The following SFMBT2 variants were observed in gnomAD, a reference collection of about 807,000 sequenced individuals.
The protein encoded by SFMBT2 is Scm like with four mbt domains 2.
Under a neutral mutation model 110.1 loss-of-function variants are expected in SFMBT2, and 38 were observed. The ratio of observed to expected loss-of-function variants is 0.35; its 90% CI spans 0.27 to 0.45. The LOEUF is 0.45. SFMBT2 is among the 20% of genes least tolerant of loss of function. The probability of loss-of-function intolerance (pLI) is 1.00; values close to 1 mark genes in which losing one functional copy is unlikely to be tolerated. For synonymous variants in SFMBT2, 425 were observed against 425.4 expected (o/e 1.00, Z 0.01); for missense variants, 1,011 against 1,094.9 (o/e 0.92, Z 1.08).
chr10:7,332,034 A>G lies in SFMBT2; in HGVS notation c.436+35615T>C, dbSNP rs1393650107. On this transcript the variant is annotated intron_variant, in intron 4 of 20. Transcript: ENST00000397167. ...CTGTCTCAAAAAAAAAAAAAAAAAAAAAAGGAAAGGTGAATGGTTACAGCT... is the reference window on the plus strand; with the variant it reads ...CTGTCTCAAAAAAAAAAAAAAAAAAGAAAGGAAAGGTGAATGGTTACAGCT... 8.3e-5 allele frequency among the ~76,000 whole-genome samples: 12 copies of G among 143,818 alleles called. 1 individual carries two copies. The highest frequency in any genetic ancestry group is 1.6e-4 in the African/African-American group (6 of 38,358). The allele number at this position is 143,818 out of a possible 152,430, so 94.4% of individuals were successfully genotyped here.
intron 4 of SFMBT2, among the ~76,000 whole-genome samples, chr10:7,346,059 C>T (rs887549410): frequency 3.3e-5 from 5 of 152,164 alleles, no homozygotes; most frequent in African/African-American, 4.8e-5. Context: ...CTCACCCCCC[C>T]GAAATTCCCT....
chr10:7,336,487 T>C (rs1469428504), intron 4 of SFMBT2, among the ~76,000 whole-genome samples: 1 of 152,176 alleles, frequency 6.6e-6, no homozygotes, highest in Non-Finnish European at 1.5e-5. Flanking sequence ...GGAAATGAGA[T>C]GTAATGAGAT....
chr10:7,226,078 G>A (rs925519820), intron 10 of SFMBT2, among the ~76,000 whole-genome samples: 9 of 152,186 alleles, frequency 5.9e-5, no homozygotes, highest in South Asian at 2.1e-4. Flanking sequence ...AACCGCTCTT[G>A]TGCAAAGGCG....
Position 7,319,772 on chromosome 10 carries a change from CAG to C in SFMBT2, c.437-33820_437-33819del, listed in dbSNP as rs750459064. Among the ~76,000 whole-genome samples, 115 of 126,606 alleles carry C rather than the reference CAG, an allele frequency of 9.1e-4. 1 individual carries two copies. The highest frequency in any genetic ancestry group is 3.0e-3 in the African/African-American group (100 of 33,002). The allele number at this position is 126,606 out of a possible 152,430, so 83.1% of individuals were successfully genotyped here. A position where few individuals can be genotyped will look rare whatever the true frequency, so the allele number is the denominator to read the frequency against. On this transcript the variant is annotated intron_variant, in intron 4 of 20. Coordinates refer to ENST00000397167, the MANE Select transcript of SFMBT2 (RefSeq NM_001387889.1). ...AGAGAGAGAGAGACAGAGAGAGACA[CAG>C]AGAGAGAGAGAGGGAGAGACAGACA...
At chr10:7,296,684 T>C (rs1448547911) in intron 4 of SFMBT2, among the ~76,000 whole-genome samples, 1 of 152,260 alleles carries the variant, frequency 6.6e-6, no homozygotes, top group Admixed American at 6.5e-5. Context: ...TTATGTCACC[T>C]TGCCTGGGCC....
At chr10:7,275,920 G>A (rs780150004) in intron 7 of SFMBT2, among the ~76,000 whole-genome samples, 4 of 152,162 alleles carry the variant, frequency 2.6e-5, no homozygotes, top group Admixed American at 6.5e-5. Context: ...CTGCAGACAC[G>A]TGCCACCCCA....
intron 6 of SFMBT2, among the ~76,000 whole-genome samples, chr10:7,282,293 G>A (rs1313731778): frequency 2.6e-5 from 4 of 152,194 alleles, no homozygotes; most frequent in Non-Finnish European, 5.9e-5. Context: ...TCCTGCTCGT[G>A]AGCGTGAGTC....
chr10:7,163,577 G>C lies in SFMBT2; in HGVS notation c.*193C>G. ...ACTTTAACTGGCACTCCCCAGAAGC[G>C]ACTGCTGCTGTGCTTTGAAAACATG... On this transcript the variant is annotated 3_prime_UTR_variant, in exon 21 of 21. Transcript: ENST00000397167. This position sits in a 1 kb window ranked among gnomAD's most constrained non-coding sequence, Gnocchi z 4.8. 1.7e-6 allele frequency: 1 copy of C among 573,878 alleles called. No homozygotes were observed. Among genetic ancestry groups the C allele is most frequent in the Non-Finnish European group, 3.1e-6 (1 of 326,272 alleles). 35.5% of individuals were successfully genotyped at this position (573,878 alleles called of 1,614,324 possible). A position where few individuals can be genotyped will look rare whatever the true frequency, so the allele number is the denominator to read the frequency against.
intron 4 of SFMBT2, among the ~76,000 whole-genome samples, chr10:7,286,713 C>T (rs967113861): frequency 5.3e-5 from 8 of 152,084 alleles, no homozygotes; most frequent in Admixed American, 1.3e-4. Flanking sequence ...ATTTTCTGTT[C>T]GAGACTTGAT....
chr10:7,248,477 G>C, intron 8 of SFMBT2, 71 bp downstream of exon 8: 2 of 1,272,728 alleles, frequency 1.6e-6, no homozygotes, highest in Non-Finnish European at 2.3e-6. Context: ...TCATCTGGTC[G>C]TCTTTGAGTT....
intron 4 of SFMBT2, among the ~76,000 whole-genome samples, chr10:7,356,838 T>C (rs684903): frequency 0.073 from 11,074 of 152,218 alleles, 542 homozygotes; most frequent in Non-Finnish European, 0.11. Flanking sequence ...GTTATGGAAA[T>C]TGACACAGAA....
At chr10:7,363,259 T>C (rs1844782050) in intron 4 of SFMBT2, among the ~76,000 whole-genome samples, 1 of 152,178 alleles carries the variant, frequency 6.6e-6, no homozygotes, top group Admixed American at 6.5e-5. Flanking sequence ...TGCCACCATG[T>C]AAGACGTGCC....
intron 11 of SFMBT2, chr10:7,207,463 G>GA (rs1839184225): frequency 7.0e-6 from 1 of 143,658 alleles, no homozygotes; most frequent in Non-Finnish European, 9.4e-6. Flanking sequence ...GAAAGAAAAA[G>GA]AAAGAAAGAG....
At chr10:7,214,718 A>T in intron 11 of SFMBT2, 1 of 985,488 alleles carries the variant, frequency 1.0e-6, no homozygotes, top group African/African-American at 1.7e-5. Flanking sequence ...CCAAAAACTT[A>T]CTGTCCAAAG....
rs545042406 is a variant in SFMBT2 at position 7,394,352 on chromosome 10, C to T, written c.-51-12403G>A. 2.6e-5 allele frequency among the ~76,000 whole-genome samples: 4 copies of T among 151,954 alleles called. No homozygotes were observed. In the East Asian group the frequency reaches 5.8e-4, roughly 22 times the overall value. Reference sequence around the variant, plus strand: ...CCTAAAAATCAAACCCAGTCATCTCCTGCCCTTCTCCCGCGTCCCCATCTC... The same window carrying T: ...CCTAAAAATCAAACCCAGTCATCTCTTGCCCTTCTCCCGCGTCCCCATCTC... On this transcript the variant is annotated intron_variant, in intron 1 of 20. Coordinates refer to ENST00000397167, the MANE Select transcript of SFMBT2 (RefSeq NM_001387889.1).
intron 7 of SFMBT2, among the ~76,000 whole-genome samples, chr10:7,272,597 A>T (rs536299942): frequency 6.6e-6 from 1 of 152,118 alleles, no homozygotes; most frequent in Admixed American, 6.5e-5. Context: ...AGGAACCAAC[A>T]CTGCAGGCCA....
chr10:7,310,310 T>C (rs1249956681), intron 4 of SFMBT2, among the ~76,000 whole-genome samples: 1 of 152,166 alleles, frequency 6.6e-6, no homozygotes, highest in Non-Finnish European at 1.5e-5. Flanking sequence ...AAACCGGGCA[T>C]GAATGCCAGG....
intron 7 of SFMBT2, among the ~76,000 whole-genome samples, chr10:7,250,877 G>C (rs2131738966): frequency 6.6e-6 from 1 of 152,242 alleles, no homozygotes; most frequent in East Asian, 1.9e-4. Flanking sequence ...GGAATCAAAG[G>C]CTACTGTACA....
At chr10:7,219,496 A>G (rs1839655234) in intron 11 of SFMBT2, among the ~76,000 whole-genome samples, 1 of 152,230 alleles carries the variant, frequency 6.6e-6, no homozygotes, top group African/African-American at 2.4e-5. Flanking sequence ...ACCTTTGCAG[A>G]CATTTTATAG....
Sources: allele counts gnomAD v4.1 joint callset (sites outside exome capture counted in the v4.1 genomes callset), GRCh38; gene constraint gnomAD v4.1.1; non-coding constraint Gnocchi (gnomAD v3.1); transcripts MANE v1.5; gene names NCBI Gene and HGNC (gene_info 2026-07-23, HGNC 2026-07-21).